Variants in RBFOX1 observed in about 807,000 individuals in gnomAD.
RBFOX1 encodes the protein RNA binding protein fox-1 homolog 1.
RBFOX1 carries 8 observed loss-of-function variants against 57.7 expected under a neutral mutation model. The observed-to-expected ratio is 0.14, with a 90% CI of 0.08 to 0.25. The LOEUF (loss-of-function observed/expected upper bound fraction) is 0.25, where lower values mean the gene tolerates loss of function less well. Ranked by LOEUF, RBFOX1 falls within the 10% of genes least tolerant of loss-of-function variation. The probability of loss-of-function intolerance (pLI) is 1.00; values close to 1 mark genes in which losing one functional copy is unlikely to be tolerated. For synonymous variants in RBFOX1, 326 were observed against 222.4 expected, an observed-to-expected ratio of 1.47 and a Z score of -4.15; for missense variants, 611 against 548.5, an observed-to-expected ratio of 1.11 and a Z score of -1.14.
At chr16:7,314,152 CA>C (rs1275292262) in intron 4 of RBFOX1, among the ~76,000 whole-genome samples, 1 of 152,134 alleles carries the variant, frequency 6.6e-6, no homozygotes, top group Non-Finnish European at 1.5e-5. Context: ...TGAGAATCAT[CA>C]GCACTGAGAA....
At chr16:6,984,417 T>C (rs2089749593) in intron 3 of RBFOX1, among the ~76,000 whole-genome samples, 1 of 152,122 alleles carries the variant, frequency 6.6e-6, no homozygotes, top group South Asian at 2.1e-4. Context: ...CCTAGGGGTA[T>C]CTCCAGTGAG....
chr16:6,050,120 G>A (rs1279694628), intron 1 of RBFOX1, among the ~76,000 whole-genome samples: 2 of 151,940 alleles, frequency 1.3e-5, no homozygotes, highest in Non-Finnish European at 2.9e-5. Context: ...CACGACGCCT[G>A]ACTAATTTTT....
At chr16:5,399,821 C>T (rs1325516702) in intron 1 of RBFOX1, among the ~76,000 whole-genome samples, 1 of 152,000 alleles carries the variant, frequency 6.6e-6, no homozygotes, top group Non-Finnish European at 1.5e-5. Context: ...CTGTCTATCC[C>T]TTAAGGTGAA....
At chr16:5,448,817 A>T (rs561102420) in intron 1 of RBFOX1, among the ~76,000 whole-genome samples, 4 of 152,166 alleles carry the variant, frequency 2.6e-5, no homozygotes, top group Admixed American at 2.6e-4. Context: ...GGCATCTGGG[A>T]TACATTTAGG....
intron 1 of RBFOX1, among the ~76,000 whole-genome samples, chr16:5,394,846 G>A (rs1299870046): frequency 1.3e-5 from 2 of 152,054 alleles, no homozygotes; most frequent in African/African-American, 4.8e-5. Context: ...CGCTATGCCT[G>A]GCCTGTCTTT....
rs1424722667 is a variant in RBFOX1 at position 5,615,642 on chromosome 16, A to G, written c.318+16681A>G. Among the ~76,000 whole-genome samples the G allele has an allele frequency of 2.0e-5, 3 of 152,196 alleles. No individual in the cohort carries two copies. The East Asian group carries it at 5.8e-4, about 29-fold the overall frequency. Reference sequence around the variant, plus strand: ...TCTTGTCATCTGCAAAATGGAGGCCATCCTATCTTGCTGGTCAGCCACTTT... The same window carrying G: ...TCTTGTCATCTGCAAAATGGAGGCCGTCCTATCTTGCTGGTCAGCCACTTT... On this transcript the variant is annotated intron_variant, in intron 3 of 19. Transcript: ENST00000641259.
intron 2 of RBFOX1, among the ~76,000 whole-genome samples, chr16:6,563,070 A>G (rs2097205782): frequency 6.6e-6 from 1 of 151,924 alleles, no homozygotes; most frequent in South Asian, 2.1e-4. Context: ...GCAGGGGGCC[A>G]TGGAGTATAC....
At chr16:7,211,407 A>T (rs1004588194) in intron 4 of RBFOX1, among the ~76,000 whole-genome samples, 1 of 151,598 alleles carries the variant, frequency 6.6e-6, no homozygotes, top group Admixed American at 6.6e-5. Flanking sequence ...AAAAAAAAAA[A>T]AAAAATTGGA....
At chr16:5,707,102 C>T (rs1391887577) in intron 3 of RBFOX1, among the ~76,000 whole-genome samples, 1 of 152,116 alleles carries the variant, frequency 6.6e-6, no homozygotes, top group Non-Finnish European at 1.5e-5. Flanking sequence ...CCAGCCAAGT[C>T]AGGATTTGGA....
intron 2 of RBFOX1, among the ~76,000 whole-genome samples, chr16:6,332,608 TAC>T (rs1013097024): frequency 1.3e-5 from 2 of 152,268 alleles, no homozygotes; most frequent in Admixed American, 1.3e-4. Flanking sequence ...TATATCTTCA[TAC>T]ACACACATGC....
At chr16:6,403,937 G>C (rs925139118) in intron 2 of RBFOX1, among the ~76,000 whole-genome samples, 1 of 152,142 alleles carries the variant, frequency 6.6e-6, no homozygotes. Context: ...ACAGTAGGAA[G>C]GTGGCTGTCT....
rs140569689 is a variant in RBFOX1 at position 6,211,227 on chromosome 16, A to ATTT, written c.-126-105768_-126-105767insTTT. 8.3e-4 allele frequency among the ~76,000 whole-genome samples: 87 copies of ATTT among 105,280 alleles called. 5 individuals are homozygous for ATTT. Among genetic ancestry groups the ATTT allele is most frequent in the South Asian group, 4.1e-3 (13 of 3,140 alleles). The allele number at this position is 105,280 out of a possible 152,430, so 69.1% of individuals were successfully genotyped here. On this transcript the variant is annotated intron_variant, in intron 1 of 15. Coordinates refer to ENST00000550418, the MANE Select transcript of RBFOX1 (RefSeq NM_018723.4). Reference sequence around the variant, plus strand: ...TTGGTTAGTGCCTGAAATCTAGTTAACTTTTTTTTTTTTTTTTTTGGGATG... The same window carrying ATTT: ...TTGGTTAGTGCCTGAAATCTAGTTAATTTCTTTTTTTTTTTTTTTTTTGGGATG...
At chr16:6,664,673 C>G (rs1023611997) in intron 3 of RBFOX1, among the ~76,000 whole-genome samples, 4 of 152,182 alleles carry the variant, frequency 2.6e-5, no homozygotes, top group East Asian at 1.9e-4. Context: ...AATCCAGTGT[C>G]TGAAATTGCG....
chr16:7,440,119 C>A (rs1229174712), intron 4 of RBFOX1, among the ~76,000 whole-genome samples: 1 of 151,926 alleles, frequency 6.6e-6, no homozygotes, highest in Non-Finnish European at 1.5e-5. Context: ...TGGTCTCGAA[C>A]TCCTGGGCTC....
intron 1 of RBFOX1, among the ~76,000 whole-genome samples, chr16:6,225,461 G>T (rs2097409442): frequency 6.6e-6 from 1 of 152,034 alleles, no homozygotes; most frequent in Non-Finnish European, 1.5e-5. Flanking sequence ...TTAATACCCG[G>T]GAATGATGTC....
At chr16:6,771,941 A>G (rs2078366004) in intron 3 of RBFOX1, among the ~76,000 whole-genome samples, 1 of 152,130 alleles carries the variant, frequency 6.6e-6, no homozygotes, top group Non-Finnish European at 1.5e-5. Flanking sequence ...TACTCTGGGC[A>G]TTGTGTAGAA....
At chr16:5,428,997 G>T (rs1168460824) in intron 1 of RBFOX1, among the ~76,000 whole-genome samples, 1 of 152,118 alleles carries the variant, frequency 6.6e-6, no homozygotes, top group Non-Finnish European at 1.5e-5. Context: ...CCGACCTGTG[G>T]CTTTTTAAAT....
intron 1 of RBFOX1, among the ~76,000 whole-genome samples, chr16:5,356,879 A>T (rs1472597396): frequency 6.6e-6 from 1 of 152,236 alleles, no homozygotes; most frequent in Non-Finnish European, 1.5e-5. Flanking sequence ...AATAGCAATG[A>T]TAGCTAATAG....
chr16:5,438,524 G>A (rs886715425), intron 1 of RBFOX1, among the ~76,000 whole-genome samples: 1 of 152,138 alleles, frequency 6.6e-6, no homozygotes, highest in East Asian at 1.9e-4. Context: ...CACCAGATAT[G>A]CCCCCTGTTC....
Sources: gnomAD v4.1 joint callset for allele counts (sites outside exome capture counted in the v4.1 genomes callset) on GRCh38, gnomAD v4.1.1 for gene constraint, MANE v1.5 for transcripts, NCBI Gene and HGNC (gene_info 2026-07-23, HGNC 2026-07-21) for gene names.